ITGA4: variants seen among roughly 807,000 people sequenced by gnomAD.
ITGA4 encodes integrin alpha-4.
In ITGA4, 63 loss-of-function variants were observed where a neutral mutation model predicts 133.6. That is an observed-to-expected ratio of 0.47 (90% CI 0.38 to 0.58). The LOEUF (loss-of-function observed/expected upper bound fraction) is 0.58, where lower values mean the gene tolerates loss of function less well. ITGA4 is among the 20% of genes least tolerant of loss of function. The probability of loss-of-function intolerance (pLI) is 0.00; values close to 1 mark genes in which losing one functional copy is unlikely to be tolerated. For synonymous variants in ITGA4, 483 were observed against 438.0 expected (o/e 1.10, Z -1.28); for missense variants, 1,076 against 1,252.7 (o/e 0.86, Z 2.13).
chr2:181,487,812 T>C (rs376234757), intron 10 of ITGA4, among the ~76,000 whole-genome samples: 82 of 152,018 alleles, frequency 5.4e-4, no homozygotes, highest in African/African-American at 1.9e-3. Context: ...AAAATAAAAT[T>C]AATACTTGAA....
intron 24 of ITGA4, 63 bp downstream of exon 24, chr2:181,530,712 T>C: frequency 1.4e-6 from 2 of 1,480,120 alleles, no homozygotes; most frequent in South Asian, 1.2e-5. Context: ...ACACTTAAAA[T>C]CAAGTCAATG....
At chr2:181,524,297 T>C in intron 20 of ITGA4, 47 bp downstream of exon 20, 1 of 1,053,766 alleles carries the variant, frequency 9.5e-7, no homozygotes. Context: ...ACCCCCATAT[T>C]CTGAGGGGGG....
In ITGA4 at chr2:181,537,575, G is replaced by GAAATCTGTATTAT. The variant is rs1402161187; in HGVS notation, c.*2050_*2062dup. On this transcript the variant is annotated 3_prime_UTR_variant, in exon 28 of 28. Coordinates refer to ENST00000397033, the MANE Select transcript of ITGA4 (RefSeq NM_000885.6). Reference sequence around the variant, plus strand: ...GAGCAGTGAATCAAGGCAGACTTATGAAATCTGTATTATATTTGTAACAGA... The same window carrying GAAATCTGTATTAT: ...GAGCAGTGAATCAAGGCAGACTTATGAAATCTGTATTATAAATCTGTATTATATTTGTAACAGA... 4.6e-6 allele frequency: 2 copies of GAAATCTGTATTAT among 432,056 alleles called. No individual in the cohort carries two copies. Among genetic ancestry groups the GAAATCTGTATTAT allele is most frequent in the Non-Finnish European group, 9.2e-6 (2 of 216,964 alleles). 26.8% of individuals were successfully genotyped at this position (432,056 alleles called of 1,614,324 possible). A position where few individuals can be genotyped will look rare whatever the true frequency, so the allele number is the denominator to read the frequency against.
chr2:181,522,123 G>A lies in ITGA4; in HGVS notation c.1923-68G>A, dbSNP rs144354731. On this transcript the variant is annotated intron_variant, in intron 17 of 27. Transcript: ENST00000397033. ...GCATAAATTATATACATATATCCTTGTATGCATATAAGAGAGAGGGATTTT... is the reference window on the plus strand; with the variant it reads ...GCATAAATTATATACATATATCCTTATATGCATATAAGAGAGAGGGATTTT... 3.2e-4 allele frequency: 272 copies of A among 847,484 alleles called. 2 individuals are homozygous for A. The East Asian group carries it at 6.4e-3, about 20-fold the overall frequency. 52.5% of individuals were successfully genotyped at this position (847,484 alleles called of 1,614,324 possible).
intron 2 of ITGA4, chr2:181,459,116 T>G (rs1685206239): frequency 6.6e-6 from 1 of 152,218 alleles, no homozygotes; most frequent in African/African-American, 2.4e-5. Context: ...TTTTTCCCCT[T>G]AAAGCAACCC....
At chr2:181,482,776 A>G in intron 9 of ITGA4, 125 bp downstream of exon 9, 1 of 810,068 alleles carries the variant, frequency 1.2e-6, no homozygotes. Flanking sequence ...AAATTCTAAT[A>G]CTGTACTGAT....
In ITGA4 at chr2:181,535,482, A is replaced by G; in HGVS notation, c.3054A>G (p.Arg1018=). Residue 1018 remains arginine (R), a synonymous_variant, in exon 28 of 28, where the codon AGA becomes AGG. Transcript: ENST00000397033. ...QYKSILQEEN[R]RDSWSYINSK... Reference sequence around the variant, plus strand: ...AATCTATCCTACAAGAAGAAAACAGAAGAGACAGTTGGAGTTATATCAACA... The same window carrying G: ...AATCTATCCTACAAGAAGAAAACAGGAGAGACAGTTGGAGTTATATCAACA... 1 of 1,609,890 alleles carries G rather than the reference A, an allele frequency of 6.2e-7. No homozygotes were observed.
At position 181,536,758 on chromosome 2, in the gene ITGA4, CTTTAAATACAATCA is replaced by C; in HGVS notation, c.*1235_*1248del. On this transcript the variant is annotated 3_prime_UTR_variant, in exon 28 of 28. Coordinates refer to ENST00000397033, the MANE Select transcript of ITGA4 (RefSeq NM_000885.6). The stretch of plus-strand genomic sequence containing the variant: ...TGACTTTCTGGATTTTAAAAAATTT[CTTTAAATACAATCA>C]TTTTTGTAATATTTATTTTATGCTT... 1 of 244,784 alleles carries C rather than the reference CTTTAAATACAATCA, an allele frequency of 4.1e-6. No homozygotes were observed. Among genetic ancestry groups the C allele is most frequent in the Non-Finnish European group, 8.2e-6 (1 of 121,442 alleles). The allele number at this position is 244,784 out of a possible 1,614,324, so 15.2% of individuals were successfully genotyped here.
In ITGA4 at chr2:181,458,268, A is replaced by G; in HGVS notation, c.270A>G (p.Arg90=). The G allele has an allele frequency of 1.9e-6, 3 of 1,613,364 alleles. No individual in the cohort carries two copies. Among genetic ancestry groups the G allele is most frequent in the Non-Finnish European group, 2.5e-6 (3 of 1,179,722 alleles). ...TGATCAATCCCGGGGCGATTTACAG[A>G]TGCAGGATCGGAAAGAATCCCGGCC... ...ASVINPGAIY[R]CRIGKNPGQT... The change falls in exon 2 of 28, where the codon AGA becomes AGG. Residue 90 remains arginine, a synonymous_variant. Coordinates refer to ENST00000397033, the MANE Select transcript of ITGA4 (RefSeq NM_000885.6).
chr2:181,494,580 G>T, intron 11 of ITGA4, 142 bp from the exon 12 acceptor site: 1 of 618,364 alleles, frequency 1.6e-6, no homozygotes. Flanking sequence ...ACCCTTAGAA[G>T]TATTTGATTT....
Position 181,457,699 on chromosome 2 carries a change from C to T in ITGA4, c.45C>T (p.Ala15=), listed in dbSNP as rs201902294. 1.9e-6 allele frequency: 3 copies of T among 1,612,068 alleles called. No individual in the cohort carries two copies. Among genetic ancestry groups the T allele is most frequent in the Admixed American group, 3.3e-5 (2 of 59,908 alleles). The part of the protein sequence containing the change: ...ARREPGPRRA[A]VRETVMLLLC... The stretch of plus-strand genomic sequence containing the variant: ...GCGAACCCGGCCCCCGAAGGGCCGC[C>T]GTCCGGGAGACGGTGATGCTGTTGC... Residue 15 remains alanine, a synonymous_variant, in exon 1 of 28, where the codon GCC becomes GCT. Coordinates refer to ENST00000397033, the MANE Select transcript of ITGA4 (RefSeq NM_000885.6).
At chr2:181,486,972 C>T (rs1301654892) in intron 10 of ITGA4, among the ~76,000 whole-genome samples, 2 of 152,122 alleles carry the variant, frequency 1.3e-5, no homozygotes, top group African/African-American at 2.4e-5. Context: ...CCACAATCTA[C>T]TTTAAATATA....
At chr2:181,499,424 A>G (rs970969309) in intron 15 of ITGA4, among the ~76,000 whole-genome samples, 2 of 152,150 alleles carry the variant, frequency 1.3e-5, no homozygotes, top group Non-Finnish European at 2.9e-5. Flanking sequence ...GTCAAATTTT[A>G]TCATATGAAG....
Position 181,534,942 on chromosome 2 carries a change from A to C in ITGA4, c.3003+7A>C. 6.4e-7 allele frequency: 1 copy of C among 1,557,432 alleles called. No individual in the cohort carries two copies. Among genetic ancestry groups the C allele is most frequent in the East Asian group, 2.3e-5 (1 of 43,682 alleles). ...CTCATATGTTATGTGGAAGGTAAGC[A>C]TTTAACAATTACCAACATTAGTCTA... On this transcript the variant is annotated splice_region_variant and intron_variant, in intron 27 of 27. Transcript: ENST00000397033.
At position 181,534,873 on chromosome 2, in the gene ITGA4, A is replaced by G; in HGVS notation, c.2941A>G (p.Ile981Val). The change falls in exon 27 of 28, where the codon ATT becomes GTT. Residue 981 changes from isoleucine to valine, a missense_variant. Ile to Val is a conservative substitution (Grantham distance 29). Transcript: ENST00000397033. ...RPKRYFTIVI[I>V]SSSLLLGLIV... The stretch of plus-strand genomic sequence containing the variant: ...CAAACGTTATTTCACCATAGTGATT[A>G]TTTCAAGTAGCTTGCTACTTGGACT... 1 of 1,601,324 alleles carries G rather than the reference A, an allele frequency of 6.2e-7. No homozygotes were observed. Among genetic ancestry groups the G allele is most frequent in the South Asian group, 1.1e-5 (1 of 87,808 alleles).
At chr2:181,504,523 T>A (rs1686352031) in intron 15 of ITGA4, among the ~76,000 whole-genome samples, 1 of 152,128 alleles carries the variant, frequency 6.6e-6, no homozygotes, top group Admixed American at 6.6e-5. Flanking sequence ...AATAGCACAC[T>A]ATGGACTGAT....
chr2:181,511,104 C>T (rs1224715914), intron 16 of ITGA4, among the ~76,000 whole-genome samples: 2 of 152,006 alleles, frequency 1.3e-5, no homozygotes, highest in Admixed American at 1.3e-4. Context: ...TATCTCTCCC[C>T]ATTTTTTCCT....
intron 16 of ITGA4, among the ~76,000 whole-genome samples, chr2:181,510,191 A>T (rs188248208): frequency 7.2e-5 from 11 of 152,212 alleles, no homozygotes; most frequent in African/African-American, 2.4e-4. Context: ...CCTTGCTTTC[A>T]TCCTACTCAC....
chr2:181,503,443 C>T (rs6749168), intron 15 of ITGA4, among the ~76,000 whole-genome samples: 148,769 of 152,126 alleles, frequency 0.98, 72,846 homozygotes, highest in Middle Eastern at 1. Flanking sequence ...TTCATTTATC[C>T]GGTTAGTAGG....
Sources: allele counts gnomAD v4.1 joint callset (sites outside exome capture counted in the v4.1 genomes callset), GRCh38; gene constraint gnomAD v4.1.1; transcripts MANE v1.5; gene names NCBI Gene and HGNC (gene_info 2026-07-23, HGNC 2026-07-21).